Variants in PGAP1 observed in about 807,000 individuals in gnomAD.
The protein encoded by PGAP1 is GPI inositol-deacylase.
A neutral mutation model predicts 127.0 loss-of-function variants in PGAP1; 76 were observed. The observed-to-expected ratio is 0.60, with a 90% confidence interval of 0.50 to 0.72. The LOEUF is 0.72. Among genes scored for constraint, PGAP1 ranks in the 30% least tolerant of loss-of-function variants. PGAP1 has a pLI of 0.00. For missense variants in PGAP1, 982 were observed against 1,071.3 expected (o/e 0.92, Z 1.16); for synonymous variants, 362 against 366.5 (o/e 0.99, Z 0.14).
chr2:196,912,884 G>A lies in PGAP1; in HGVS notation c.647C>T (p.Thr216Ile). 1 of 1,606,770 alleles carries A rather than the reference G, an allele frequency of 6.2e-7. No homozygotes were observed. Among genetic ancestry groups the A allele is most frequent in the Non-Finnish European group, 8.5e-7 (1 of 1,176,764 alleles). The change falls in exon 4 of 27, where the codon ACA becomes ATA. Residue 216 changes from threonine to isoleucine, a missense_variant and splice_region_variant. Transcript: ENST00000354764. ...APVMPLDRFI[T>I]DFYTTVNNYW... is the part of the protein sequence containing the mutation. ...AATGTTCATGTAACAGTACTCACCT[G>A]TAATGAAACGATCTAATGGCATCAC... is the stretch of plus-strand genomic sequence containing the variant.
chr2:196,864,076 T>C (rs1015335834), intron 20 of PGAP1, among the ~76,000 whole-genome samples: 2 of 151,710 alleles, frequency 1.3e-5, no homozygotes, highest in African/African-American at 4.9e-5. Flanking sequence ...ACCAAATAAA[T>C]TAAAAATAAA....
chr2:196,923,201 GATT>G (rs1425524337), intron 1 of PGAP1, among the ~76,000 whole-genome samples: 3 of 151,956 alleles, frequency 2.0e-5, no homozygotes, highest in Admixed American at 6.6e-5. Flanking sequence ...TATGTTTATC[GATT>G]ATTTTTTAGT....
At chr2:196,864,504 T>C (rs1256562202) in intron 20 of PGAP1, among the ~76,000 whole-genome samples, 1 of 151,796 alleles carries the variant, frequency 6.6e-6, no homozygotes, top group East Asian at 1.9e-4. Context: ...TCATAAATAC[T>C]AGCAAATTAT....
At chr2:196,861,434 A>C (rs1334845218) in intron 20 of PGAP1, among the ~76,000 whole-genome samples, 1 of 152,250 alleles carries the variant, frequency 6.6e-6, no homozygotes, top group Non-Finnish European at 1.5e-5. Context: ...ATAAAGGATT[A>C]ATAACCAGAA....
In PGAP1 at chr2:196,873,668, T is replaced by C. The variant is rs762315357; in HGVS notation, c.1500+17A>G. On this transcript the variant is annotated intron_variant, in intron 15 of 26. Transcript: ENST00000354764. ...AAGTAAAATCAAATCCTTTTTCTTGTAGTCAGGATTAATTACCTGTCCAAA... is the reference window on the plus strand; with the variant it reads ...AAGTAAAATCAAATCCTTTTTCTTGCAGTCAGGATTAATTACCTGTCCAAA... The C allele has an allele frequency of 3.7e-6, 6 of 1,600,422 alleles. No homozygotes were observed. Among genetic ancestry groups the C allele is most frequent in the Non-Finnish European group, 5.1e-6 (6 of 1,168,198 alleles).
At chr2:196,865,360 G>A (rs181242930) in intron 19 of PGAP1, among the ~76,000 whole-genome samples, 30 of 152,126 alleles carry the variant, frequency 2.0e-4, no homozygotes, top group Admixed American at 3.9e-4. Flanking sequence ...TATTTAATAC[G>A]TTCCAGGCAC....
intron 1 of PGAP1, chr2:196,922,338 A>G: frequency 1.0e-6 from 1 of 979,754 alleles, no homozygotes; most frequent in South Asian, 4.7e-5. Flanking sequence ...ACCAAAAAGA[A>G]AAAAGATTTT....
chr2:196,905,632 A>G (rs1702673794), intron 4 of PGAP1, among the ~76,000 whole-genome samples: 1 of 152,106 alleles, frequency 6.6e-6, no homozygotes, highest in East Asian at 1.9e-4. Context: ...TCCGGTCTAC[A>G]GCTCCCAGCG....
rs1225235471 is a variant in PGAP1 at position 196,835,091 on chromosome 2, A to G, written c.*6143T>C. 1 of 152,022 alleles carries G rather than the reference A, an allele frequency of 6.6e-6. No individual in the cohort carries two copies. The highest frequency in any genetic ancestry group is 1.5e-5 in the Non-Finnish European group (1 of 67,878). 9.4% of individuals were successfully genotyped at this position (152,022 alleles called of 1,614,324 possible). A position where few individuals can be genotyped will look rare whatever the true frequency, so the allele number is the denominator to read the frequency against. On this transcript the variant is annotated 3_prime_UTR_variant, in exon 27 of 27. Transcript: ENST00000354764. ...ATTTCCTTAGAATCTTTATGGGGAG[A>G]AATTGAAGCACTTAATGCTGATAAA...
chr2:196,881,662 T>C lies in PGAP1; in HGVS notation c.1273-1509A>G, dbSNP rs181867488. ...TCCATATAATTGTTGGCTGCATGTA[T>C]GTCTTCTTTTGAAAAGTGTCATTTC... On this transcript the variant is annotated intron_variant, in intron 12 of 26. Transcript: ENST00000354764. Among the ~76,000 whole-genome samples, 908 of 152,378 alleles carry C rather than the reference T, an allele frequency of 6.0e-3. 6 individuals carry two copies. The highest frequency in any genetic ancestry group is 0.021 in the African/African-American group (871 of 41,598).
chr2:196,842,815 TA>T lies in PGAP1; in HGVS notation c.2535del (p.Phe845LeufsTer30), dbSNP rs1236488298. 1 of 1,501,878 alleles carries T rather than the reference TA, an allele frequency of 6.7e-7. No homozygotes were observed. The allele number at this position is 1,501,878 out of a possible 1,614,324, so 93.0% of individuals were successfully genotyped here. On this transcript the variant is annotated frameshift_variant, in exon 26 of 27. Coordinates refer to ENST00000354764, the MANE Select transcript of PGAP1 (RefSeq NM_024989.4). LOFTEE classifies it high-confidence loss of function. Reference protein sequence around the residue: ...IYWLKNLRYYFKLNPDPCKPL... With the variant: ...IYWLKNLRYYXKLNPDPCKPL... The stretch of plus-strand genomic sequence containing the variant: ...GGTTTACATGGATCAGGATTAAGTT[TA>T]AAATAATACCTATAATATTAAAAAA...
At chr2:196,918,538 G>C (rs1411546867) in intron 2 of PGAP1, among the ~76,000 whole-genome samples, 1 of 152,146 alleles carries the variant, frequency 6.6e-6, no homozygotes, top group East Asian at 1.9e-4. Flanking sequence ...TTGGATGAAT[G>C]TTAAAGATAA....
chr2:196,901,334 A>G (rs1281349503), intron 5 of PGAP1, among the ~76,000 whole-genome samples: 1 of 152,250 alleles, frequency 6.6e-6, no homozygotes, highest in Non-Finnish European at 1.5e-5. Flanking sequence ...AGAATAGCTT[A>G]ATAATTTTTG....
Position 196,873,016 on chromosome 2 carries a change from G to A in PGAP1, c.1563C>T (p.Thr521=). The A allele has an allele frequency of 2.2e-6, 2 of 917,258 alleles. No homozygotes were observed. Among genetic ancestry groups the A allele is most frequent in the Non-Finnish European group, 3.4e-6 (2 of 596,006 alleles). 56.8% of individuals were successfully genotyped at this position (917,258 alleles called of 1,614,324 possible). ...SKCSAVKEEI[T]SIYRLHIPWS... is the part of the protein sequence containing the mutation. ...AAGGAATATGAAGTCTATAGATACT[G>A]GTTATTTCTTCTGTTAAAACATTTA... is the stretch of plus-strand genomic sequence containing the variant. The change falls in exon 17 of 27, where the codon ACC becomes ACT. Residue 521 remains threonine, a synonymous_variant. Transcript: ENST00000354764.
At position 196,926,471 on chromosome 2, in the gene PGAP1, T is replaced by A; in HGVS notation, c.146A>T (p.Gln49Leu). Residue 49 changes from glutamine (Q) to leucine (L), a missense_variant and splice_region_variant, in exon 1 of 27, where the codon CAG (glutamine) becomes CTG (leucine). Coordinates refer to ENST00000354764, the MANE Select transcript of PGAP1 (RefSeq NM_024989.4). ...GCTGAGGAGAGGGCAGAACCTTACC[T>A]GATACTCCGGGTACTCAAACATGTA... ...MSYMFEYPEY[Q>L]KIELPKKLAK... is the part of the protein sequence containing the mutation. 3.1e-6 allele frequency: 5 copies of A among 1,614,082 alleles called. No homozygotes were observed. The highest frequency in any genetic ancestry group is 4.2e-6 in the Non-Finnish European group (5 of 1,179,984).
Position 196,841,290 on chromosome 2 carries a change from G to A in PGAP1, c.2713C>T (p.Leu905Phe), listed in dbSNP as rs987709288. The A allele has an allele frequency of 2.5e-6, 4 of 1,613,720 alleles. No individual in the cohort carries two copies. The highest frequency in any genetic ancestry group is 3.4e-6 in the Non-Finnish European group (4 of 1,179,856). ...AGAGGAATGAAGACAAAGCATGGAA[G>A]CCTATATAAATGTGCTGACCCAAAA... ...IAFGSAHLYR[L>F]PCFVFIPLLL... Residue 905 changes from leucine to phenylalanine, a missense_variant, in exon 27 of 27, where the codon CTT becomes TTT. Coordinates refer to ENST00000354764, the MANE Select transcript of PGAP1 (RefSeq NM_024989.4).
At chr2:196,905,585 C>A (rs1270065831) in intron 4 of PGAP1, among the ~76,000 whole-genome samples, 1 of 151,784 alleles carries the variant, frequency 6.6e-6, no homozygotes, top group Non-Finnish European at 1.5e-5. Flanking sequence ...TAAGATAATG[C>A]GGGAGGGAGG....
chr2:196,917,891 A>G (rs1042733234), intron 2 of PGAP1, among the ~76,000 whole-genome samples: 8 of 152,106 alleles, frequency 5.3e-5, no homozygotes, highest in African/African-American at 1.9e-4. Context: ...TCTATGTTCA[A>G]TATTCTGAGG....
chr2:196,899,852 G>T (rs1576175997), intron 5 of PGAP1, among the ~76,000 whole-genome samples: 1 of 152,162 alleles, frequency 6.6e-6, no homozygotes, highest in South Asian at 2.1e-4. Context: ...TGGCTAACAT[G>T]GTGAAACCGC....
Sources: allele counts gnomAD v4.1 joint callset (sites outside exome capture counted in the v4.1 genomes callset), GRCh38; gene constraint gnomAD v4.1.1; transcripts MANE v1.5; gene names NCBI Gene and HGNC (gene_info 2026-07-23, HGNC 2026-07-21).